CFAP20DC: variants seen among roughly 807,000 people sequenced by gnomAD.
CFAP20DC encodes the protein protein CFAP20DC.
Under a neutral mutation model 101.7 loss-of-function variants are expected in CFAP20DC, and 84 were observed. That is an observed-to-expected ratio of 0.83 (90% CI 0.69 to 0.99). CFAP20DC has a LOEUF of 0.99. Ranked by LOEUF, CFAP20DC falls within the 50% of genes least tolerant of loss-of-function variation. CFAP20DC has a pLI of 0.00. For missense variants in CFAP20DC, 1,007 were observed against 970.3 expected, an observed-to-expected ratio of 1.04 and a Z score of -0.50; for synonymous variants, 359 against 351.2, an observed-to-expected ratio of 1.02 and a Z score of -0.25.
chr3:58,758,341 G>C (rs1225563027), intron 15 of CFAP20DC, among the ~76,000 whole-genome samples: 1 of 151,978 alleles, frequency 6.6e-6, no homozygotes, highest in Non-Finnish European at 1.5e-5. Flanking sequence ...AACATTCAAG[G>C]AATGGGGAGT....
At chr3:58,839,434 C>T (rs2076953874) in intron 13 of CFAP20DC, among the ~76,000 whole-genome samples, 1 of 152,120 alleles carries the variant, frequency 6.6e-6, no homozygotes, top group Non-Finnish European at 1.5e-5. Context: ...TTGTGGAAGG[C>T]CTGGCATATG....
intron 15 of CFAP20DC, among the ~76,000 whole-genome samples, chr3:58,792,456 T>C: frequency 6.6e-6 from 1 of 152,110 alleles, no homozygotes; most frequent in Non-Finnish European, 1.5e-5. Context: ...AAAAACTATT[T>C]CAATGCTTCA....
Position 58,722,134 on chromosome 3 carries a change from C to CA in CFAP20DC, c.198-4507dup, listed in dbSNP as rs2107050038. Among the ~76,000 whole-genome samples the CA allele has an allele frequency of 6.6e-6, 1 of 152,350 alleles. No individual in the cohort carries two copies. Among genetic ancestry groups the CA allele is most frequent in the African/African-American group, 2.4e-5 (1 of 41,578 alleles). On this transcript the variant is annotated intron_variant, in intron 3 of 3. Coordinates refer to the CFAP20DC transcript ENST00000486145. The surrounding 1 kb of genome is among the most constrained non-coding windows in gnomAD (Gnocchi z 4.5). ...AGAGTCAAGCCATGTGGAGAGGCCA[C>CA]ATGTAGACCCTCTGGTCAATGGTCC...
intron 1 of CFAP20DC, among the ~76,000 whole-genome samples, chr3:59,048,157 A>G (rs1700015397): frequency 6.6e-6 from 1 of 152,280 alleles, no homozygotes; most frequent in South Asian, 2.1e-4. Context: ...TAAGATAATT[A>G]TCTCTAAGGA....
At chr3:59,031,151 C>G (rs1275920065) in intron 4 of CFAP20DC, among the ~76,000 whole-genome samples, 1 of 152,124 alleles carries the variant, frequency 6.6e-6, no homozygotes, top group Non-Finnish European at 1.5e-5. Context: ...TTAGTTAAGA[C>G]AGTCTATTGC....
chr3:58,984,952 C>T (rs1393242868), intron 4 of CFAP20DC, among the ~76,000 whole-genome samples: 1 of 152,072 alleles, frequency 6.6e-6, no homozygotes, highest in Non-Finnish European at 1.5e-5. Context: ...ATCACCCAGG[C>T]TAGAGTGGCA....
intron 4 of CFAP20DC, among the ~76,000 whole-genome samples, chr3:58,959,358 T>C (rs1256083326): frequency 6.6e-6 from 1 of 152,238 alleles, no homozygotes; most frequent in Non-Finnish European, 1.5e-5. Context: ...CCTCCCAAAG[T>C]GTTGGGATTA....
intron 4 of CFAP20DC, among the ~76,000 whole-genome samples, chr3:59,037,485 C>T (rs181779805): frequency 6.6e-6 from 1 of 151,582 alleles, no homozygotes; most frequent in Admixed American, 6.6e-5. Context: ...TGAACAGACA[C>T]TTCTCAAAAG....
intron 12 of CFAP20DC, chr3:58,862,336 A>G (rs2108459608): frequency 1.0e-6 from 1 of 985,470 alleles, no homozygotes; most frequent in East Asian, 1.1e-4. Flanking sequence ...TGCTGAAGAC[A>G]AATGTCCATG....
intron 14 of CFAP20DC, among the ~76,000 whole-genome samples, chr3:58,816,223 G>C (rs540711824): frequency 1.3e-5 from 2 of 152,002 alleles, no homozygotes; most frequent in Non-Finnish European, 2.9e-5. Context: ...ACATGGATGA[G>C]ACTGGAAATC....
In CFAP20DC at chr3:58,728,850, C is replaced by T. The variant is rs190866547; in HGVS notation, c.198-11222G>A. ...CAGCCCTAGCCTCCTGAAATTTACA[C>T]CCTGTGTAAATTTGGTGCAGTCTCT... On this transcript the variant is annotated intron_variant, in intron 3 of 3. Transcript: ENST00000486145. This position sits in a 1 kb window ranked among gnomAD's most constrained non-coding sequence, Gnocchi z 4.7. 8.1e-4 allele frequency among the ~76,000 whole-genome samples: 123 copies of T among 152,248 alleles called. No individual in the cohort carries two copies. The highest frequency in any genetic ancestry group is 3.4e-3 in the Middle Eastern group (1 of 294).
Position 59,001,368 on chromosome 3 carries a change from C to CTT in CFAP20DC, c.278+38187_278+38188dup, listed in dbSNP as rs2108754022. ...GTAATCTTATGCTTAGGAGTTTGGC[C>CTT]TTTGAAACAGTCTCTCCCTCTCTCC... is the stretch of plus-strand genomic sequence containing the variant. On this transcript the variant is annotated intron_variant, in intron 4 of 16. Coordinates refer to ENST00000482387, the MANE Select transcript of CFAP20DC (RefSeq NM_001394063.1). The surrounding 1 kb of genome is among the most constrained non-coding windows in gnomAD (Gnocchi z 4.5). Among the ~76,000 whole-genome samples, 1 of 152,080 alleles carries CTT rather than the reference C, an allele frequency of 6.6e-6. No individual in the cohort carries two copies. Among genetic ancestry groups the CTT allele is most frequent in the Non-Finnish European group, 1.5e-5 (1 of 67,966 alleles).
intron 4 of CFAP20DC, among the ~76,000 whole-genome samples, chr3:58,947,585 C>T (rs1184237649): frequency 6.6e-6 from 1 of 152,144 alleles, no homozygotes; most frequent in East Asian, 1.9e-4. Flanking sequence ...TGACTTATAT[C>T]CTTGAGAATA....
chr3:58,792,361 T>C (rs1160840977), intron 15 of CFAP20DC, among the ~76,000 whole-genome samples: 1 of 152,110 alleles, frequency 6.6e-6, no homozygotes, highest in Non-Finnish European at 1.5e-5. Flanking sequence ...CCTACTTAAG[T>C]AAAGCCATTA....
rs919435594 is a variant in CFAP20DC at position 58,921,930 on chromosome 3, C to T, written c.394-8066G>A. Among the ~76,000 whole-genome samples, 4 of 152,264 alleles carry T rather than the reference C, an allele frequency of 2.6e-5. No individual in the cohort carries two copies. In the East Asian group the frequency reaches 7.7e-4, roughly 29 times the overall value. On this transcript the variant is annotated intron_variant, in intron 5 of 16. Transcript: ENST00000482387. Reference sequence around the variant, plus strand: ...TGTTATATCTTCTTCATCATTTAACCTCCTTATCATTGTGAAACATCTCTC... The same window carrying T: ...TGTTATATCTTCTTCATCATTTAACTTCCTTATCATTGTGAAACATCTCTC...
At chr3:58,831,304 T>C (rs891872217) in intron 14 of CFAP20DC, among the ~76,000 whole-genome samples, 1 of 152,234 alleles carries the variant, frequency 6.6e-6, no homozygotes, top group Admixed American at 6.5e-5. Flanking sequence ...GTATCTATAG[T>C]CTTTTCCTCT....
chr3:58,985,737 A>G (rs1228529162), intron 4 of CFAP20DC, among the ~76,000 whole-genome samples: 1 of 152,214 alleles, frequency 6.6e-6, no homozygotes, highest in African/African-American at 2.4e-5. Flanking sequence ...AAAGGCAAAA[A>G]TAAAAACTCT....
intron 4 of CFAP20DC, among the ~76,000 whole-genome samples, chr3:58,985,960 A>T (rs1244589421): frequency 1.3e-5 from 2 of 152,222 alleles, no homozygotes; most frequent in African/African-American, 4.8e-5. Flanking sequence ...GAGAATGTCC[A>T]GACAGTTTTC....
chr3:58,816,332 G>A (rs1006401885), intron 14 of CFAP20DC, among the ~76,000 whole-genome samples: 2 of 152,290 alleles, frequency 1.3e-5, no homozygotes, highest in African/African-American at 4.8e-5. Context: ...AGCTCCCAGA[G>A]TGAGCGACGC....
Sources: gnomAD v4.1 joint callset for allele counts (sites outside exome capture counted in the v4.1 genomes callset) on GRCh38, gnomAD v4.1.1 for gene constraint, Gnocchi (gnomAD v3.1) non-coding constraint, MANE v1.5 for transcripts, NCBI Gene and HGNC (gene_info 2026-07-23, HGNC 2026-07-21) for gene names.